Variants in STT3B observed in about 807,000 individuals in gnomAD.
The protein encoded by STT3B is dolichyl-diphosphooligosaccharide--protein glycosyltransferase subunit STT3B.
Under a neutral mutation model 96.8 loss-of-function variants are expected in STT3B, and 29 were observed. That is an observed-to-expected ratio of 0.30 (90% CI 0.22 to 0.41). The LOEUF (loss-of-function observed/expected upper bound fraction) is 0.41, where lower values mean the gene tolerates loss of function less well. Among genes scored for constraint, STT3B ranks in the 10% least tolerant of loss-of-function variants. The probability of loss-of-function intolerance (pLI) is 1.00; values close to 1 mark genes in which losing one functional copy is unlikely to be tolerated. For synonymous variants in STT3B, 367 were observed against 360.0 expected, an observed-to-expected ratio of 1.02 and a Z score of -0.22; for missense variants, 640 against 1,022.3, an observed-to-expected ratio of 0.63 and a Z score of 5.10.
intron 5 of STT3B, among the ~76,000 whole-genome samples, chr3:31,611,044 T>C (rs1699169081): frequency 6.6e-6 from 1 of 152,198 alleles, no homozygotes; most frequent in South Asian, 2.1e-4. Context: ...CATGGATGGA[T>C]AGAAAATTGT....
chr3:31,584,152 T>C (rs1322054546), intron 3 of STT3B, among the ~76,000 whole-genome samples: 2 of 152,208 alleles, frequency 1.3e-5, no homozygotes, highest in South Asian at 2.1e-4. Flanking sequence ...TATCCACTTA[T>C]CTTAGCACTG....
At chr3:31,549,653 G>T (rs747665566) in intron 1 of STT3B, among the ~76,000 whole-genome samples, 1 of 151,974 alleles carries the variant, frequency 6.6e-6, no homozygotes, top group Non-Finnish European at 1.5e-5. Flanking sequence ...TCTAATAATT[G>T]TTAGAAATCC....
At chr3:31,623,459 A>G (rs541298729) in intron 10 of STT3B, among the ~76,000 whole-genome samples, 16 of 152,306 alleles carry the variant, frequency 1.1e-4, no homozygotes, top group African/African-American at 3.6e-4. Flanking sequence ...TTGCTCTGTG[A>G]CCAGTTTCTG....
intron 1 of STT3B, among the ~76,000 whole-genome samples, chr3:31,568,764 A>T (rs1575418108): frequency 6.6e-6 from 1 of 152,208 alleles, no homozygotes; most frequent in Admixed American, 6.5e-5. Context: ...GTGTTTCAAT[A>T]TAAGATGAAA....
At chr3:31,632,036 TG>T (rs1420630842) in intron 14 of STT3B, among the ~76,000 whole-genome samples, 4 of 151,956 alleles carry the variant, frequency 2.6e-5, no homozygotes, top group Non-Finnish European at 5.9e-5. Context: ...TTGTATTTTT[TG>T]TAGAGACAAG....
chr3:31,547,100 A>G (rs1269782011), intron 1 of STT3B, among the ~76,000 whole-genome samples: 1 of 152,158 alleles, frequency 6.6e-6, no homozygotes, highest in Non-Finnish European at 1.5e-5. Flanking sequence ...GACTTTTGCT[A>G]TGAGTGGACT....
rs867207159 is a variant in STT3B at position 31,615,649 on chromosome 3, G to A, written c.976+446G>A. 5.9e-5 allele frequency among the ~76,000 whole-genome samples: 9 copies of A among 151,898 alleles called. No homozygotes were observed. In the Middle Eastern group the frequency reaches 0.01, roughly 172 times the overall value. ...ACTTTACCAAGTAGTAATTTGAGAC[G>A]CAGAGAGATGTATATTTAGTGTTGT... On this transcript the variant is annotated intron_variant, in intron 6 of 15. Coordinates refer to ENST00000295770, the MANE Select transcript of STT3B (RefSeq NM_178862.3).
chr3:31,600,424 T>C lies in STT3B; in HGVS notation c.842T>C (p.Leu281Ser). 1 of 1,596,484 alleles carries C rather than the reference T, an allele frequency of 6.3e-7. No homozygotes were observed. The highest frequency in any genetic ancestry group is 8.6e-7 in the Non-Finnish European group (1 of 1,167,124). ...ATTCCACTGCATGTATTTGTGTTGTTACTGATGCAGAGATACAGCAAAAGA... is the reference window on the plus strand; with the variant it reads ...ATTCCACTGCATGTATTTGTGTTGTCACTGATGCAGAGATACAGCAAAAGA... ...NLIPLHVFVL[L>S]LMQRYSKRVY... Residue 281 changes from leucine (L) to serine (S), a missense_variant, in exon 5 of 16, where the codon TTA (leucine) becomes TCA (serine). Transcript: ENST00000295770.
At position 31,617,085 on chromosome 3, in the gene STT3B, A is replaced by G. The variant is rs749366197; in HGVS notation, c.1123+10A>G. 2.5e-6 allele frequency: 4 copies of G among 1,592,660 alleles called. No individual in the cohort carries two copies. The highest frequency in any genetic ancestry group is 3.4e-6 in the Non-Finnish European group (4 of 1,165,470). ...TATTTGACTTATACAGGTACGTGTT[A>G]TCACCTGTAGGGTGTGAATATTGTC... On this transcript the variant is annotated intron_variant, in intron 7 of 15. Coordinates refer to ENST00000295770, the MANE Select transcript of STT3B (RefSeq NM_178862.3).
Position 31,565,006 on chromosome 3 carries a change from G to A in STT3B, c.315-11390G>A, listed in dbSNP as rs115374282. ...CTCTTGGAAGATGTTGCAAATAATGGACAATAGAAACAATAGGCTTAACCT... is the reference window on the plus strand; with the variant it reads ...CTCTTGGAAGATGTTGCAAATAATGAACAATAGAAACAATAGGCTTAACCT... On this transcript the variant is annotated intron_variant, in intron 1 of 15. Coordinates refer to ENST00000295770, the MANE Select transcript of STT3B (RefSeq NM_178862.3). Among the ~76,000 whole-genome samples, 187 of 152,244 alleles carry A rather than the reference G, an allele frequency of 1.2e-3. 1 individual carries two copies. The highest frequency in any genetic ancestry group is 6.8e-3 in the Middle Eastern group (2 of 292).
At chr3:31,570,353 A>G (rs998791378) in intron 1 of STT3B, among the ~76,000 whole-genome samples, 1 of 152,228 alleles carries the variant, frequency 6.6e-6, no homozygotes, top group Non-Finnish European at 1.5e-5. Flanking sequence ...GGTGAACTTC[A>G]GTAGAGGTTT....
At chr3:31,546,936 T>C (rs1189016597) in intron 1 of STT3B, among the ~76,000 whole-genome samples, 1 of 152,218 alleles carries the variant, frequency 6.6e-6, no homozygotes, top group African/African-American at 2.4e-5. Flanking sequence ...GGTGACATTT[T>C]TGTTACAAAG....
chr3:31,611,504 CTTTA>C (rs1699178936), intron 5 of STT3B, among the ~76,000 whole-genome samples: 2 of 152,160 alleles, frequency 1.3e-5, no homozygotes, highest in Admixed American at 6.5e-5. Context: ...GATTGTGTTT[CTTTA>C]TTTATTTTGA....
At chr3:31,562,952 T>C (rs1559366729) in intron 1 of STT3B, among the ~76,000 whole-genome samples, 1 of 152,208 alleles carries the variant, frequency 6.6e-6, no homozygotes, top group Non-Finnish European at 1.5e-5. Context: ...TCTTGGGACC[T>C]GAGAGGGTCA....
intron 3 of STT3B, among the ~76,000 whole-genome samples, chr3:31,589,728 A>G (rs1698623845): frequency 6.6e-6 from 1 of 151,922 alleles, no homozygotes; most frequent in African/African-American, 2.4e-5. Context: ...GCATGTTAAA[A>G]TTTACTTTTT....
chr3:31,543,420 A>G (rs1697328728), intron 1 of STT3B, among the ~76,000 whole-genome samples: 1 of 152,230 alleles, frequency 6.6e-6, no homozygotes, highest in Admixed American at 6.5e-5. Flanking sequence ...TAAGGCAAGA[A>G]CATTTTTCTA....
chr3:31,632,902 G>C, intron 14 of STT3B, 33 bp from the exon 15 acceptor site: 3 of 1,585,180 alleles, frequency 1.9e-6, no homozygotes, highest in Non-Finnish European at 2.6e-6. Context: ...TTTCCAATAT[G>C]GTTAACACCC....
At chr3:31,564,318 A>T (rs751221089) in intron 1 of STT3B, among the ~76,000 whole-genome samples, 18 of 152,188 alleles carry the variant, frequency 1.2e-4, no homozygotes, top group Non-Finnish European at 2.2e-4. Context: ...TATTAACTTT[A>T]CTATATATAC....
intron 1 of STT3B, among the ~76,000 whole-genome samples, chr3:31,559,187 GTGTT>G (rs1410638408): frequency 9.6e-5 from 11 of 114,386 alleles, no homozygotes; most frequent in Admixed American, 1.8e-4. Flanking sequence ...GTGTGTGTGT[GTGTT>G]GTCTCTTTCA....
Sources: allele counts gnomAD v4.1 joint callset (sites outside exome capture counted in the v4.1 genomes callset), GRCh38; gene constraint gnomAD v4.1.1; transcripts MANE v1.5; gene names NCBI Gene and HGNC (gene_info 2026-07-23, HGNC 2026-07-21).